The following RBPJ variants were observed in gnomAD, a reference collection of about 807,000 sequenced individuals.
RBPJ encodes recombination signal binding protein for immunoglobulin kappa J region, also known as recombining binding protein suppressor of hairless.
In RBPJ, 9 loss-of-function variants were observed where a neutral mutation model predicts 67.8. The ratio of observed to expected loss-of-function variants is 0.13; its 90% CI spans 0.08 to 0.23. The LOEUF is 0.23. RBPJ is among the 10% of genes least tolerant of loss of function. The pLI, the probability that RBPJ is intolerant of heterozygous loss-of-function variation, is 1.00. For synonymous variants in RBPJ, 198 were observed against 203.3 expected, an observed-to-expected ratio of 0.97 and a Z score of 0.22; for missense variants, 305 against 595.6, an observed-to-expected ratio of 0.51 and a Z score of 5.08.
rs192696952 is a variant in RBPJ, at chr4:26,401,175, C to T, written c.60-5000C>T. Among the ~76,000 whole-genome samples the T allele has an allele frequency of 1.8e-3, 272 of 152,366 alleles. 8 individuals are homozygous for T. The highest frequency in any genetic ancestry group is 0.018 in the Admixed American group (271 of 15,312). On this transcript the variant is annotated intron_variant, in intron 2 of 10. Transcript: ENST00000355476. ...GACTAACTTACTTTAAAGTGTCCCC[C>T]TGCCCCCACCACCAATATGAGGCAT...
chr4:26,409,773 C>T (rs28542502), intron 3 of RBPJ, among the ~76,000 whole-genome samples: 5,048 of 152,218 alleles, frequency 0.033, 222 homozygotes, highest in African/African-American at 0.1. Flanking sequence ...GCTGGGATTA[C>T]GGGCGTGAGC....
At chr4:26,265,468 T>A (rs1327027053) in intron 1 of RBPJ, among the ~76,000 whole-genome samples, 1 of 151,196 alleles carries the variant, frequency 6.6e-6, no homozygotes, top group Non-Finnish European at 1.5e-5. Context: ...GGAAGAGATT[T>A]CAGTGGCTAC....
At chr4:26,342,335 C>T (rs1380973581) in intron 1 of RBPJ, among the ~76,000 whole-genome samples, 1 of 151,164 alleles carries the variant, frequency 6.6e-6, no homozygotes, top group Non-Finnish European at 1.5e-5. Flanking sequence ...TAGACCTTGC[C>T]ATCGTTTGGT....
At chr4:26,296,563 C>T (rs1721881962) in intron 1 of RBPJ, among the ~76,000 whole-genome samples, 1 of 152,182 alleles carries the variant, frequency 6.6e-6, no homozygotes, top group African/African-American at 2.4e-5. Context: ...GCATATATGA[C>T]TATTAAATAT....
chr4:26,303,640 A>G (rs183607575), intron 1 of RBPJ, among the ~76,000 whole-genome samples: 20 of 152,058 alleles, frequency 1.3e-4, no homozygotes, highest in African/African-American at 3.4e-4. Flanking sequence ...TAATCATACT[A>G]ATTTGATTTT....
At chr4:26,259,044 C>T (rs1223873317) in intron 1 of RBPJ, among the ~76,000 whole-genome samples, 1 of 151,952 alleles carries the variant, frequency 6.6e-6, no homozygotes, top group East Asian at 1.9e-4. Context: ...CCTCGTGATC[C>T]ACCCCCCTCA....
chr4:26,256,947 C>A (rs748473204), intron 1 of RBPJ, among the ~76,000 whole-genome samples: 1 of 152,140 alleles, frequency 6.6e-6, no homozygotes, highest in South Asian at 2.1e-4. Context: ...TCACTCTATG[C>A]GTTTATGAGA....
At chr4:26,286,064 T>TATGATCGTGCCGCC in intron 1 of RBPJ, among the ~76,000 whole-genome samples, 1 of 152,304 alleles carries the variant, frequency 6.6e-6, no homozygotes, top group Middle Eastern at 3.4e-3. Flanking sequence ...ATCGTGCCGC[T>TATGATCGTGCCGCC]GCACTCCAGT....
At position 26,368,810 on chromosome 4, in the gene RBPJ, A is replaced by C. The variant is rs2788863; in HGVS notation, c.21-17543A>C. On this transcript the variant is annotated intron_variant, in intron 1 of 10. Transcript: ENST00000355476. ...AATTTTCTGTGGAAAAACTAACTTGAGTGAGAAATTCTAGCCCTGGGGCAG... is the reference window on the plus strand; with the variant it reads ...AATTTTCTGTGGAAAAACTAACTTGCGTGAGAAATTCTAGCCCTGGGGCAG... Among the ~76,000 whole-genome samples, 1,394 of 152,356 alleles carry C rather than the reference A, an allele frequency of 9.1e-3. 18 individuals are homozygous for C. Among genetic ancestry groups the C allele is most frequent in the African/African-American group, 0.032 (1,329 of 41,572 alleles).
the RBPJ span, among the ~76,000 whole-genome samples, chr4:26,132,698 A>G: frequency 2.0e-5 from 3 of 152,222 alleles, no homozygotes; most frequent in Non-Finnish European, 4.4e-5. Flanking sequence ...CTAAAAGTAA[A>G]GATTTGGAGC....
chr4:26,240,181 A>G (rs753898125), intron 1 of RBPJ, among the ~76,000 whole-genome samples: 1 of 152,176 alleles, frequency 6.6e-6, no homozygotes, highest in Non-Finnish European at 1.5e-5. Context: ...CTATACCCCA[A>G]CATCGCATGA....
chr4:26,404,795 A>G (rs1733221788), intron 2 of RBPJ, among the ~76,000 whole-genome samples: 1 of 152,176 alleles, frequency 6.6e-6, no homozygotes, highest in Admixed American at 6.5e-5. Context: ...TCACACTATT[A>G]TCAGGCCCTG....
At position 26,424,202 on chromosome 4, in the gene RBPJ, T is replaced by C. The variant is rs1248677594; in HGVS notation, c.497-140T>C. On this transcript the variant is annotated intron_variant, in intron 5 of 10. Coordinates refer to ENST00000355476, the MANE Select transcript of RBPJ (RefSeq NM_015874.6). This position sits in a 1 kb window ranked among gnomAD's most constrained non-coding sequence, Gnocchi z 5.3. ...TGACTTTTTGATATCATCTGTACTG[T>C]CTTGGAAAGTGAAAATATTTGTCAA... 3 of 756,684 alleles carry C rather than the reference T, an allele frequency of 4.0e-6. No individual in the cohort carries two copies. The African/African-American group carries it at 5.3e-5, about 13-fold the overall frequency. 46.9% of individuals were successfully genotyped at this position (756,684 alleles called of 1,614,324 possible). A position where few individuals can be genotyped will look rare whatever the true frequency, so the allele number is the denominator to read the frequency against.
chr4:26,277,972 TG>T (rs1222807108), intron 1 of RBPJ, among the ~76,000 whole-genome samples: 1 of 152,210 alleles, frequency 6.6e-6, no homozygotes, highest in African/African-American at 2.4e-5. Context: ...CATGTATATG[TG>T]TGTGTTTGTG....
At chr4:26,299,736 T>C (rs1722009261) in intron 1 of RBPJ, among the ~76,000 whole-genome samples, 1 of 140,126 alleles carries the variant, frequency 7.1e-6, no homozygotes, top group South Asian at 2.3e-4. Flanking sequence ...TGGAGTGAAA[T>C]GGCGAGATCC....
intron 3 of RBPJ, among the ~76,000 whole-genome samples, chr4:26,411,399 A>G (rs1733997532): frequency 6.6e-6 from 1 of 151,772 alleles, no homozygotes; most frequent in East Asian, 1.9e-4. Context: ...CTTTTATTCA[A>G]TCACTAGATT....
intron 1 of RBPJ, among the ~76,000 whole-genome samples, chr4:26,211,900 A>G (rs1349217143): frequency 6.6e-6 from 1 of 152,160 alleles, no homozygotes; most frequent in African/African-American, 2.4e-5. Flanking sequence ...TGTCCTTACG[A>G]AAAGGAAAAA....
At chr4:26,136,365 C>T in the RBPJ span, among the ~76,000 whole-genome samples, 3 of 152,248 alleles carry the variant, frequency 2.0e-5, no homozygotes, top group African/African-American at 2.4e-5. Flanking sequence ...AATGCTGAAC[C>T]TCGGGTGCAG....
At chr4:26,389,642 G>GTGTC in intron 2 of RBPJ, among the ~76,000 whole-genome samples, 2 of 151,062 alleles carry the variant, frequency 1.3e-5, no homozygotes, top group East Asian at 3.9e-4. Context: ...TAGAGTCACA[G>GTGTC]ATGTTTGAAG....
Sources: gnomAD v4.1 joint callset for allele counts (sites outside exome capture counted in the v4.1 genomes callset) on GRCh38, gnomAD v4.1.1 for gene constraint, Gnocchi (gnomAD v3.1) non-coding constraint, MANE v1.5 for transcripts, NCBI Gene and HGNC (gene_info 2026-07-23, HGNC 2026-07-21) for gene names.